Variants in LSAMP observed in about 807,000 individuals in gnomAD.
The protein encoded by LSAMP is limbic system-associated membrane protein.
LSAMP carries 7 observed loss-of-function variants against 38.6 expected under a neutral mutation model. That is an observed-to-expected ratio of 0.18 (90% confidence interval 0.10 to 0.34). The LOEUF is 0.34. LSAMP is among the 10% of genes least tolerant of loss of function. The pLI, the probability that LSAMP is intolerant of heterozygous loss-of-function variation, is 1.00. For missense variants in LSAMP, 313 were observed against 420.0 expected (o/e 0.75, Z 2.23); for synonymous variants, 154 against 166.8 (o/e 0.92, Z 0.59).
intron 1 of LSAMP, among the ~76,000 whole-genome samples, chr3:116,165,294 C>A (rs866093343): frequency 2.0e-5 from 3 of 152,318 alleles, no homozygotes; most frequent in Middle Eastern, 3.4e-3. Context: ...ATCATTGCAG[C>A]TTTCTCCTCT....
rs965088347 is a variant in LSAMP, at chr3:116,277,983, T to A, written c.155+166894A>T. Among the ~76,000 whole-genome samples the A allele has an allele frequency of 2.0e-5, 3 of 152,358 alleles. No homozygotes were observed. The South Asian group carries it at 6.2e-4, about 32-fold the overall frequency. Reference sequence around the variant, plus strand: ...TAATTACTGTAACACTATTTAACATTATCTGTACAAGATATTGTGCTGATG... The same window carrying A: ...TAATTACTGTAACACTATTTAACATAATCTGTACAAGATATTGTGCTGATG... On this transcript the variant is annotated intron_variant, in intron 1 of 6. Transcript: ENST00000490035.
chr3:115,942,907 T>C (rs1937973623), intron 3 of LSAMP, among the ~76,000 whole-genome samples: 1 of 152,146 alleles, frequency 6.6e-6, no homozygotes, highest in East Asian at 1.9e-4. Context: ...ATTGTCAACA[T>C]TAGTGCTTTA....
At chr3:115,989,456 A>C (rs76532918) in intron 3 of LSAMP, among the ~76,000 whole-genome samples, 2,761 of 152,236 alleles carry the variant, frequency 0.018, 53 homozygotes, top group African/African-American at 0.05. Context: ...CTAGCTGCTC[A>C]TTTCCAAAAG....
chr3:115,810,363 A>G lies in LSAMP; in HGVS notation c.971T>C (p.Leu324Pro). 6.2e-7 allele frequency: 1 copy of G among 1,613,780 alleles called. No individual in the cohort carries two copies. The highest frequency in any genetic ancestry group is 8.5e-7 in the Non-Finnish European group (1 of 1,179,768). Residue 324 changes from leucine to proline, a missense_variant, in exon 7 of 7, where the codon CTG becomes CCG. Coordinates refer to ENST00000490035, the MANE Select transcript of LSAMP (RefSeq NM_002338.5). ...GAGCAGAGATGCTGCCAGCAGCCAC[A>G]GTGGTACGGCCAGACTGATGGATCC... Reference protein sequence around the residue: ...INGSISLAVPLWLLAASLLCL... With the variant: ...INGSISLAVPPWLLAASLLCL...
intron 3 of LSAMP, among the ~76,000 whole-genome samples, chr3:115,881,780 C>A (rs954784006): frequency 6.6e-6 from 1 of 152,088 alleles, no homozygotes; most frequent in Non-Finnish European, 1.5e-5. Context: ...TTGGGTCATA[C>A]CCATCCCTTC....
At chr3:116,041,806 C>A (rs12497338) in intron 2 of LSAMP, among the ~76,000 whole-genome samples, 71,164 of 122,844 alleles carry the variant, frequency 0.58, 19,165 homozygotes, top group African/African-American at 0.76. Context: ...CAAAAAAAAA[C>A]AAAACAAAAC....
intron 6 of LSAMP, among the ~76,000 whole-genome samples, chr3:115,830,550 T>C (rs1316830252): frequency 6.6e-6 from 1 of 152,066 alleles, no homozygotes; most frequent in East Asian, 1.9e-4. Flanking sequence ...GGGAGTTGAG[T>C]TAATACAGGC....
chr3:116,019,228 CAGAT>C (rs959118826), intron 3 of LSAMP, among the ~76,000 whole-genome samples: 8 of 147,392 alleles, frequency 5.4e-5, no homozygotes, highest in Non-Finnish European at 9.0e-5. Flanking sequence ...GATAGATAGA[CAGAT>C]AGATAGATGA....
At chr3:115,847,586 A>G (rs62271074) in intron 4 of LSAMP, among the ~76,000 whole-genome samples, 30,264 of 152,140 alleles carry the variant, frequency 0.2, 3,731 homozygotes, top group Non-Finnish European at 0.28. Flanking sequence ...GGTGGAGGTA[A>G]TTGAATCATG....
At chr3:116,121,748 C>G (rs531415938) in intron 1 of LSAMP, among the ~76,000 whole-genome samples, 1 of 152,286 alleles carries the variant, frequency 6.6e-6, no homozygotes, top group South Asian at 2.1e-4. Context: ...AGAGCCAGGT[C>G]AAGACTCAGG....
At chr3:115,941,805 T>C (rs1193765199) in intron 3 of LSAMP, among the ~76,000 whole-genome samples, 3 of 151,994 alleles carry the variant, frequency 2.0e-5, no homozygotes, top group Non-Finnish European at 4.4e-5. Context: ...CATGGATAAA[T>C]GAGAAGATAC....
intron 1 of LSAMP, among the ~76,000 whole-genome samples, chr3:116,287,579 A>T (rs534947602): frequency 3.9e-5 from 6 of 152,320 alleles, no homozygotes; most frequent in African/African-American, 1.4e-4. Context: ...AAAGAGTAAA[A>T]TATTAAGAAT....
At chr3:116,214,107 G>T (rs1043088797) in intron 1 of LSAMP, among the ~76,000 whole-genome samples, 3 of 152,092 alleles carry the variant, frequency 2.0e-5, no homozygotes, top group Admixed American at 1.3e-4. Context: ...ATATTTAAAA[G>T]CATACACATC....
chr3:116,189,528 G>A (rs1376584759), intron 1 of LSAMP, among the ~76,000 whole-genome samples: 1 of 152,252 alleles, frequency 6.6e-6, no homozygotes, highest in Non-Finnish European at 1.5e-5. Context: ...AACCACCTCA[G>A]TTCTAGGGAA....
intron 1 of LSAMP, among the ~76,000 whole-genome samples, chr3:116,287,337 A>G (rs1030418446): frequency 2.3e-4 from 35 of 152,126 alleles, no homozygotes; most frequent in African/African-American, 8.0e-4. Flanking sequence ...TGACCCTATA[A>G]TATGAGAAGA....
intron 1 of LSAMP, among the ~76,000 whole-genome samples, chr3:116,245,224 C>T (rs984074318): frequency 3.9e-5 from 6 of 152,138 alleles, no homozygotes; most frequent in African/African-American, 1.4e-4. Context: ...AGATGACCAC[C>T]TGCAAGACGA....
rs560034663 is a variant in LSAMP at position 115,907,937 on chromosome 3, A to C, written c.515-55320T>G. ...TGGGCAGTTTCCAAATGGGCAACATAGCCCCATCTCATGTCACAGATGACT... is the reference window on the plus strand; with the variant it reads ...TGGGCAGTTTCCAAATGGGCAACATCGCCCCATCTCATGTCACAGATGACT... On this transcript the variant is annotated intron_variant, in intron 3 of 6. Transcript: ENST00000490035. Among the ~76,000 whole-genome samples the C allele has an allele frequency of 4.6e-5, 7 of 152,256 alleles. No homozygotes were observed. The East Asian group carries it at 1.2e-3, about 25-fold the overall frequency.
intron 1 of LSAMP, among the ~76,000 whole-genome samples, chr3:116,112,831 T>C (rs1576370504): frequency 1.3e-5 from 2 of 152,382 alleles, no homozygotes; most frequent in Non-Finnish European, 2.9e-5. Flanking sequence ...TACTGTTATC[T>C]GCCATGAATT....
chr3:116,170,585 C>T (rs946634804), intron 1 of LSAMP, among the ~76,000 whole-genome samples: 16 of 152,096 alleles, frequency 1.1e-4, no homozygotes, highest in Admixed American at 6.6e-4. Flanking sequence ...ACTTGCTATA[C>T]GATTGTGGCG....
Sources: gnomAD v4.1 joint callset for allele counts (sites outside exome capture counted in the v4.1 genomes callset) on GRCh38, gnomAD v4.1.1 for gene constraint, MANE v1.5 for transcripts, NCBI Gene and HGNC (gene_info 2026-07-23, HGNC 2026-07-21) for gene names.